Variants in COL23A1 observed in about 807,000 individuals in gnomAD.
COL23A1 encodes the protein collagen type XXIII alpha 1 chain.
COL23A1 carries 97 observed loss-of-function variants against 99.3 expected under a neutral mutation model. The ratio of observed to expected loss-of-function variants is 0.98; its 90% confidence interval spans 0.83 to 1.16. The LOEUF (loss-of-function observed/expected upper bound fraction) is 1.16, where lower values mean the gene tolerates loss of function less well. Among genes scored for constraint, COL23A1 ranks in the 50% most tolerant of loss-of-function variants. The pLI, the probability that COL23A1 is intolerant of heterozygous loss-of-function variation, is 0.00. For synonymous variants in COL23A1, 320 were observed against 308.2 expected (o/e 1.04, Z -0.40); for missense variants, 762 against 757.4 (o/e 1.01, Z -0.07).
intron 2 of COL23A1, among the ~76,000 whole-genome samples, chr5:178,381,507 G>A (rs1464016875): frequency 6.6e-6 from 1 of 152,198 alleles, no homozygotes; most frequent in Non-Finnish European, 1.5e-5. Flanking sequence ...CACCTGAGCT[G>A]TGCTGTTACC....
At chr5:178,455,193 A>T (rs571437370) in intron 2 of COL23A1, among the ~76,000 whole-genome samples, 1 of 152,360 alleles carries the variant, frequency 6.6e-6, no homozygotes, top group South Asian at 2.1e-4. Flanking sequence ...CGGGGGGGAC[A>T]CAGTTCAACC....
rs980214417 is a variant in COL23A1 at position 178,384,766 on chromosome 5, C to A, written c.362-77847G>T. On this transcript the variant is annotated intron_variant, in intron 2 of 28. Transcript: ENST00000390654. The surrounding 1 kb of genome is among the most constrained non-coding windows in gnomAD (Gnocchi z 5.5). ...ATAACAGCCACCACGACCCTTGTAC[C>A]ACCCGGGGACGGCCCAGAACAGCCT... is the stretch of plus-strand genomic sequence containing the variant. Among the ~76,000 whole-genome samples, 1 of 152,212 alleles carries A rather than the reference C, an allele frequency of 6.6e-6. No individual in the cohort carries two copies. Among genetic ancestry groups the A allele is most frequent in the Non-Finnish European group, 1.5e-5 (1 of 68,036 alleles).
chr5:178,487,500 C>T (rs1444945147), intron 2 of COL23A1, among the ~76,000 whole-genome samples: 1 of 151,850 alleles, frequency 6.6e-6, no homozygotes, highest in African/African-American at 2.4e-5. Context: ...TTTGTATCAG[C>T]CTCAGTATTA....
intron 2 of COL23A1, among the ~76,000 whole-genome samples, chr5:178,445,041 G>T (rs1767083045): frequency 6.6e-6 from 1 of 152,176 alleles, no homozygotes; most frequent in African/African-American, 2.4e-5. Context: ...GCTAGTGCTA[G>T]TACCTAATAT....
intron 2 of COL23A1, among the ~76,000 whole-genome samples, chr5:178,548,923 C>T (rs971373524): frequency 1.3e-5 from 2 of 152,092 alleles, no homozygotes; most frequent in Non-Finnish European, 2.9e-5. Flanking sequence ...TCATACACTG[C>T]GATGGCATGC....
intron 2 of COL23A1, among the ~76,000 whole-genome samples, chr5:178,317,851 T>C (rs1759059171): frequency 6.6e-6 from 1 of 152,170 alleles, no homozygotes; most frequent in South Asian, 2.1e-4. Context: ...AAGGCACATC[T>C]TACATGGTGG....
intron 25 of COL23A1, among the ~76,000 whole-genome samples, chr5:178,243,883 TGTCCTCTCCC>T (rs1247188629): frequency 6.6e-6 from 1 of 152,196 alleles, no homozygotes; most frequent in Non-Finnish European, 1.5e-5. Flanking sequence ...GGTTCAGCAT[TGTCCTCTCCC>T]ATCCCTTCCC....
At chr5:178,577,199 G>A (rs886484369) in intron 1 of COL23A1, among the ~76,000 whole-genome samples, 3 of 152,186 alleles carry the variant, frequency 2.0e-5, no homozygotes, top group Non-Finnish European at 2.9e-5. Context: ...AGCCCGGGGC[G>A]CGGCGCGCCG....
chr5:178,574,180 G>A (rs1763238768), intron 1 of COL23A1, among the ~76,000 whole-genome samples: 1 of 152,090 alleles, frequency 6.6e-6, no homozygotes, highest in African/African-American at 2.4e-5. Context: ...ATTTATATGA[G>A]GTTCTAGAAC....
chr5:178,311,505 T>TGC (rs145792009), intron 2 of COL23A1, among the ~76,000 whole-genome samples: 2 of 9,626 alleles, frequency 2.1e-4, no homozygotes, highest in East Asian at 5.7e-4. Context: ...TGTGTGTGTG[T>TGC]GCGCGTGTGT....
chr5:178,240,321 C>T (rs1273103875), intron 27 of COL23A1, among the ~76,000 whole-genome samples: 1 of 152,156 alleles, frequency 6.6e-6, no homozygotes, highest in African/African-American at 2.4e-5. Context: ...CCAGGCTAGG[C>T]ACCAAAGGGA....
At position 178,434,942 on chromosome 5, in the gene COL23A1, A is replaced by G. The variant is rs73336668; in HGVS notation, c.361+125740T>C. Among the ~76,000 whole-genome samples, 13,922 of 151,996 alleles carry G rather than the reference A, an allele frequency of 0.092. 740 individuals carry two copies. Among genetic ancestry groups the G allele is most frequent in the Middle Eastern group, 0.16 (45 of 290 alleles). ...CCAGCCCCGACCCTGCCGCCGGTCA[A>G]GACTGTGTTTCCCAGGGGCCTCTGC... On this transcript the variant is annotated intron_variant, in intron 2 of 28. Coordinates refer to ENST00000390654, the MANE Select transcript of COL23A1 (RefSeq NM_173465.4). The surrounding 1 kb of genome is among the most constrained non-coding windows in gnomAD (Gnocchi z 4.3).
chr5:178,312,609 G>A (rs184220153), intron 2 of COL23A1, among the ~76,000 whole-genome samples: 48 of 136,468 alleles, frequency 3.5e-4, no homozygotes, highest in African/African-American at 1.3e-3. Flanking sequence ...CCCCAAGGAC[G>A]TCCCCTCTAG....
intron 2 of COL23A1, among the ~76,000 whole-genome samples, chr5:178,361,889 G>A (rs10052417): frequency 0.15 from 23,562 of 152,024 alleles, 2,392 homozygotes; most frequent in East Asian, 0.28. Flanking sequence ...TGACATTCCC[G>A]CCTCCCCTCC....
intron 3 of COL23A1, among the ~76,000 whole-genome samples, chr5:178,294,879 C>T (rs987739246): frequency 4.6e-5 from 7 of 152,176 alleles, no homozygotes; most frequent in Admixed American, 6.5e-5. Context: ...CGGTGGCTCA[C>T]GCCTATAATC....
rs1762070264 is a variant in COL23A1 at position 178,552,828 on chromosome 5, C to T, written c.361+7854G>A. Among the ~76,000 whole-genome samples, 5 of 152,126 alleles carry T rather than the reference C, an allele frequency of 3.3e-5. No individual in the cohort carries two copies. In the South Asian group the frequency reaches 1.0e-3, roughly 32 times the overall value. On this transcript the variant is annotated intron_variant, in intron 2 of 28. Transcript: ENST00000390654. ...TCCCGGGTTCAAGTGATTCTCCTGC[C>T]TCAGTCTCCTGAGTAGCTGGGACTA...
Position 178,498,240 on chromosome 5 carries a change from AT to A in COL23A1, c.361+62441del, listed in dbSNP as rs1562025631. The stretch of plus-strand genomic sequence containing the variant: ...TATATATATATATATATATATATAT[AT>A]ATATATATATATATATAAAAGAACT... On this transcript the variant is annotated intron_variant, in intron 2 of 28. Transcript: ENST00000390654. 4.4e-4 allele frequency among the ~76,000 whole-genome samples: 29 copies of A among 65,716 alleles called. 1 individual carries two copies. The highest frequency in any genetic ancestry group is 2.6e-3 in the African/African-American group (28 of 10,826). The allele number at this position is 65,716 out of a possible 152,430, so 43.1% of individuals were successfully genotyped here.
At chr5:178,302,737 C>G (rs1244437714) in intron 3 of COL23A1, among the ~76,000 whole-genome samples, 6 of 152,188 alleles carry the variant, frequency 3.9e-5, no homozygotes, top group Non-Finnish European at 8.8e-5. Flanking sequence ...CTGGTGTTAT[C>G]ACCTCAAGCA....
chr5:178,289,336 G>C (rs1236965332), intron 4 of COL23A1, among the ~76,000 whole-genome samples: 4 of 152,182 alleles, frequency 2.6e-5, no homozygotes, highest in Admixed American at 6.5e-5. Flanking sequence ...ATGAATCAAA[G>C]GCAGGCACAT....
Sources: allele counts gnomAD v4.1 joint callset (sites outside exome capture counted in the v4.1 genomes callset), GRCh38; gene constraint gnomAD v4.1.1; non-coding constraint Gnocchi (gnomAD v3.1); transcripts MANE v1.5; gene names NCBI Gene and HGNC (gene_info 2026-07-23, HGNC 2026-07-21).